The following ALDH5A1 variants were observed in gnomAD, a reference collection of about 807,000 sequenced individuals.
ALDH5A1 encodes aldehyde dehydrogenase 5 family member A1, also known as succinate-semialdehyde dehydrogenase, mitochondrial.
Under a neutral mutation model 54.7 loss-of-function variants are expected in ALDH5A1, and 33 were observed. That is an observed-to-expected ratio of 0.60 (90% CI 0.46 to 0.81). The LOEUF (loss-of-function observed/expected upper bound fraction) is 0.81. Ranked by LOEUF, ALDH5A1 falls within the 30% of genes least tolerant of loss-of-function variation. The probability of loss-of-function intolerance (pLI) is 0.00; values close to 1 mark genes in which losing one functional copy is unlikely to be tolerated. For synonymous variants in ALDH5A1, 294 were observed against 292.7 expected (o/e 1.00, Z -0.05); for missense variants, 657 against 711.0 (o/e 0.92, Z 0.86).
At chr6:24,532,655 G>C (rs572552647) in intron 9 of ALDH5A1, among the ~76,000 whole-genome samples, 43 of 152,206 alleles carry the variant, frequency 2.8e-4, no homozygotes, top group African/African-American at 1.0e-3. Context: ...GATGGGCCAG[G>C]TGGTCACTGC....
At chr6:24,508,092 C>T (rs778739911) in intron 4 of ALDH5A1, among the ~76,000 whole-genome samples, 29 of 151,958 alleles carry the variant, frequency 1.9e-4, no homozygotes, top group Non-Finnish European at 3.1e-4. Context: ...AGGCCAGGCG[C>T]GGTGGCTCAC....
chr6:24,496,821 C>A (rs1764716840), intron 1 of ALDH5A1, among the ~76,000 whole-genome samples: 1 of 152,178 alleles, frequency 6.6e-6, no homozygotes. Flanking sequence ...ATGACCTCAT[C>A]ATAACTTAAT....
chr6:24,511,581 A>C (rs1286539113), intron 4 of ALDH5A1, among the ~76,000 whole-genome samples: 1 of 151,872 alleles, frequency 6.6e-6, no homozygotes, highest in Non-Finnish European at 1.5e-5. Context: ...TTGAGCTTTG[A>C]CGTTCTTTCT....
intron 7 of ALDH5A1, among the ~76,000 whole-genome samples, chr6:24,525,722 A>G (rs756132462): frequency 6.6e-6 from 1 of 151,842 alleles, no homozygotes; most frequent in Non-Finnish European, 1.5e-5. Flanking sequence ...AGAAGTCAAA[A>G]TAGATGGGTC....
chr6:24,516,188 A>C (rs766981610), intron 5 of ALDH5A1, among the ~76,000 whole-genome samples: 15 of 151,982 alleles, frequency 9.9e-5, no homozygotes, highest in Non-Finnish European at 2.1e-4. Flanking sequence ...TGTAATCCCA[A>C]CACTTTGGGA....
intron 8 of ALDH5A1, among the ~76,000 whole-genome samples, chr6:24,530,011 T>C (rs1218638976): frequency 6.6e-6 from 1 of 152,176 alleles, no homozygotes; most frequent in African/African-American, 2.4e-5. Flanking sequence ...TGGAAAATTT[T>C]TTGTCATTAT....
At position 24,503,304 on chromosome 6, in the gene ALDH5A1, C is replaced by T. The variant is rs143486700; in HGVS notation, c.480C>T (p.Ser160=). 628 of 1,614,032 alleles carry T rather than the reference C, an allele frequency of 3.9e-4. 7 individuals carry two copies. The African/African-American group carries it at 6.0e-3, about 15-fold the overall frequency. The change falls in exon 3 of 10, where the codon TCC becomes TCT. Residue 160 remains serine, a synonymous_variant. Coordinates refer to ENST00000357578, the MANE Select transcript of ALDH5A1 (RefSeq NM_001080.3). ...AGGCACATGGAGAAATTCTCTATTC[C>T]GCCTTTTTCCTAGAGTGGTTCTCTG... is the stretch of plus-strand genomic sequence containing the variant. ...LKEAHGEILY[S]AFFLEWFSEE...
chr6:24,530,511 GGCTTGTAATATCTCCCAT>G (rs1759913873), intron 8 of ALDH5A1, among the ~76,000 whole-genome samples: 1 of 152,136 alleles, frequency 6.6e-6, no homozygotes, highest in African/African-American at 2.4e-5. Context: ...CGGCAGCCTT[GGCTTGTAATATCTCCCAT>G]GGGTTGTGGT....
Position 24,509,064 on chromosome 6 carries a change from G to A in ALDH5A1, c.726+4079G>A, listed in dbSNP as rs1561871949. On this transcript the variant is annotated intron_variant, in intron 4 of 9. Transcript: ENST00000357578. This position sits in a 1 kb window ranked among gnomAD's most constrained non-coding sequence, Gnocchi z 4.7. The stretch of plus-strand genomic sequence containing the variant: ...GTGAAGACTTTCTCCTGCTCTGTGG[G>A]TTGTCTGTTTACTCTGCTGACTGTT... Among the ~76,000 whole-genome samples the A allele has an allele frequency of 6.6e-6, 1 of 152,120 alleles. No homozygotes were observed. The highest frequency in any genetic ancestry group is 6.5e-5 in the Admixed American group (1 of 15,274).
chr6:24,533,790 A>AAAC lies in ALDH5A1; in HGVS notation c.*79_*81dup, dbSNP rs1339930266. The AAAC allele has an allele frequency of 1.0e-5, 14 of 1,343,426 alleles. No homozygotes were observed. In the African/African-American group the frequency reaches 2.1e-4, roughly 20 times the overall value. The allele number at this position is 1,343,426 out of a possible 1,614,324, so 83.2% of individuals were successfully genotyped here. ...GTACATGCCATCCATTATTTTAAATAAACTAATAGGTTTTCAGAATTATGA... is the reference window on the plus strand; with the variant it reads ...GTACATGCCATCCATTATTTTAAATAAACAACTAATAGGTTTTCAGAATTATGA... On this transcript the variant is annotated 3_prime_UTR_variant, in exon 10 of 10. Transcript: ENST00000357578.
rs1390522460 is a variant in ALDH5A1 at position 24,535,059 on chromosome 6, C to T, written c.*1347C>T. On this transcript the variant is annotated 3_prime_UTR_variant, in exon 10 of 10. Coordinates refer to ENST00000357578, the MANE Select transcript of ALDH5A1 (RefSeq NM_001080.3). ...CCGTAATCTTAAACAGATGCAAATC[C>T]AATTAGGCGGCCAAGTAGGTGGAGA... 1 of 152,226 alleles carries T rather than the reference C, an allele frequency of 6.6e-6. No individual in the cohort carries two copies. The highest frequency in any genetic ancestry group is 1.5e-5 in the Non-Finnish European group (1 of 68,054). 9.4% of individuals were successfully genotyped at this position (152,226 alleles called of 1,614,324 possible). A position where few individuals can be genotyped will look rare whatever the true frequency, so the allele number is the denominator to read the frequency against.
chr6:24,530,084 G>T (rs1180053844), intron 8 of ALDH5A1, among the ~76,000 whole-genome samples: 1 of 151,632 alleles, frequency 6.6e-6, no homozygotes, highest in Admixed American at 6.6e-5. Context: ...GTCTATTATT[G>T]TGATACTTCT....
chr6:24,499,825 A>G (rs1417599986), intron 1 of ALDH5A1, among the ~76,000 whole-genome samples: 1 of 151,826 alleles, frequency 6.6e-6, no homozygotes, highest in Non-Finnish European at 1.5e-5. Context: ...TGCCCGGGTA[A>G]TTTTTTTGTA....
At chr6:24,502,427 C>T in intron 1 of ALDH5A1, 96 bp from the exon 2 acceptor site, 1 of 955,524 alleles carries the variant, frequency 1.0e-6, no homozygotes. Context: ...GAGAATGAGA[C>T]CATACAGCTA....
chr6:24,523,442 G>A (rs1018564858), intron 7 of ALDH5A1, among the ~76,000 whole-genome samples: 1 of 152,130 alleles, frequency 6.6e-6, no homozygotes. Flanking sequence ...CCTGAGAAAA[G>A]TGAATTCTGC....
intron 5 of ALDH5A1, among the ~76,000 whole-genome samples, chr6:24,516,824 G>T (rs955898104): frequency 6.6e-6 from 1 of 152,100 alleles, no homozygotes; most frequent in Non-Finnish European, 1.5e-5. Flanking sequence ...TTGGGAGGGT[G>T]AGGTGAGAGG....
At chr6:24,531,939 C>A in intron 8 of ALDH5A1, 180 bp from the exon 9 acceptor site, 2 of 671,004 alleles carry the variant, frequency 3.0e-6, no homozygotes, top group Non-Finnish European at 5.4e-6. Context: ...GCATGCTAGC[C>A]TTAATCGCTG....
chr6:24,525,817 T>TAGG (rs1048324963), intron 7 of ALDH5A1, among the ~76,000 whole-genome samples: 8 of 152,028 alleles, frequency 5.3e-5, no homozygotes, highest in African/African-American at 1.9e-4. Context: ...AAAGTAGGAA[T>TAGG]AGGAGGAGGG....
chr6:24,533,840 T>C lies in ALDH5A1; in HGVS notation c.*128T>C, dbSNP rs1759987200. ...AATTTTTCAGAACTCATCCAGTCCT[T>C]GTAATCTTAAACAGATGCAAATCCT... is the stretch of plus-strand genomic sequence containing the variant. On this transcript the variant is annotated 3_prime_UTR_variant, in exon 10 of 10. Transcript: ENST00000357578. The C allele has an allele frequency of 4.3e-6, 4 of 930,570 alleles. No individual in the cohort carries two copies. The highest frequency in any genetic ancestry group is 6.5e-6 in the Non-Finnish European group (4 of 615,666). The allele number at this position is 930,570 out of a possible 1,614,324, so 57.6% of individuals were successfully genotyped here. A position where few individuals can be genotyped will look rare whatever the true frequency, so the allele number is the denominator to read the frequency against.
Sources: allele counts gnomAD v4.1 joint callset (sites outside exome capture counted in the v4.1 genomes callset), GRCh38; gene constraint gnomAD v4.1.1; non-coding constraint Gnocchi (gnomAD v3.1); transcripts MANE v1.5; gene names NCBI Gene and HGNC (gene_info 2026-07-23, HGNC 2026-07-21).